The following GSE1 variants were observed in gnomAD, a reference collection of about 807,000 sequenced individuals.
GSE1 encodes the protein Gse1 coiled-coil protein.
GSE1 carries 32 observed loss-of-function variants against 112.6 expected under a neutral mutation model. The ratio of observed to expected loss-of-function variants is 0.28; its 90% CI spans 0.21 to 0.38. The LOEUF (loss-of-function observed/expected upper bound fraction) is 0.38, where lower values mean the gene tolerates loss of function less well. Ranked by LOEUF, GSE1 falls within the 10% of genes least tolerant of loss-of-function variation. The probability of loss-of-function intolerance (pLI) is 1.00; values close to 1 mark genes in which losing one functional copy is unlikely to be tolerated. For synonymous variants in GSE1, 1,115 were observed against 735.6 expected (o/e 1.52, Z -8.35); for missense variants, 2,348 against 1,699.2 (o/e 1.38, Z -6.71).
intron 2 of GSE1, among the ~76,000 whole-genome samples, chr16:85,478,913 TTCTTTCTTTCTTTCTC>T (rs753008005): frequency 0.11 from 7,725 of 68,014 alleles, 871 homozygotes; most frequent in African/African-American, 0.14. Context: ...CTTTCTTTCT[TTCTTTCTTTCTTTCTC>T]TTTCTTTCTT....
chr16:85,175,893 A>G (rs896814565), intron 1 of GSE1, among the ~76,000 whole-genome samples: 4 of 152,208 alleles, frequency 2.6e-5, no homozygotes, highest in African/African-American at 9.6e-5. Flanking sequence ...AACTTGTCCA[A>G]GGTCACTCAG....
At chr16:85,172,335 C>T (rs941265614) in intron 1 of GSE1, among the ~76,000 whole-genome samples, 1 of 152,160 alleles carries the variant, frequency 6.6e-6, no homozygotes, top group African/African-American at 2.4e-5. Flanking sequence ...TGCTTTACGG[C>T]GGAGGGAAAT....
chr16:85,613,565 G>A (rs1462205886), intron 1 of GSE1, among the ~76,000 whole-genome samples, 167 bp downstream of exon 1: 2 of 151,436 alleles, frequency 1.3e-5, no homozygotes, highest in South Asian at 4.2e-4. Flanking sequence ...GGCGACCAAA[G>A]GCCACCCCCT....
upstream of GSE1, among the ~76,000 whole-genome samples, chr16:85,554,167 G>C (rs116502688): frequency 7.8e-3 from 1,190 of 152,226 alleles, 24 homozygotes; most frequent in African/African-American, 0.028. Flanking sequence ...AGGAGAGGGT[G>C]GGGGGACGTG....
intron 1 of GSE1, among the ~76,000 whole-genome samples, chr16:85,569,365 G>A (rs546438778): frequency 5.3e-5 from 8 of 152,334 alleles, no homozygotes; most frequent in African/African-American, 1.9e-4. Context: ...CCCTGGGCCT[G>A]GGGGCCAAGT....
intron 1 of GSE1, among the ~76,000 whole-genome samples, chr16:85,217,854 G>C (rs2075329983): frequency 6.6e-6 from 1 of 152,066 alleles, no homozygotes; most frequent in Non-Finnish European, 1.5e-5. Flanking sequence ...CCTGTCCCCA[G>C]TCAGAAGTCC....
chr16:85,647,759 G>A (rs2050999599), intron 2 of GSE1, among the ~76,000 whole-genome samples: 1 of 152,148 alleles, frequency 6.6e-6, no homozygotes, highest in Non-Finnish European at 1.5e-5. Context: ...GCTAATATTT[G>A]TATTTTTAGT....
At chr16:85,667,448 A>G (rs931582716) in intron 13 of GSE1, among the ~76,000 whole-genome samples, 2 of 152,222 alleles carry the variant, frequency 1.3e-5, no homozygotes, top group Non-Finnish European at 2.9e-5. Flanking sequence ...ACGGGGCACA[A>G]TGAGGCTGAT....
At chr16:85,410,355 A>T (rs370837592) in intron 2 of GSE1, among the ~76,000 whole-genome samples, 2 of 43,408 alleles carry the variant, frequency 4.6e-5, no homozygotes, top group Admixed American at 2.5e-4. Flanking sequence ...TCACTGTTAC[A>T]CTCAGGGCCC....
chr16:85,195,427 G>A (rs961642316), intron 1 of GSE1, among the ~76,000 whole-genome samples: 15 of 152,170 alleles, frequency 9.9e-5, no homozygotes, highest in Admixed American at 9.8e-4. Context: ...AGAGTTGGAA[G>A]CAGCTTTGCA....
chr16:85,179,018 AC>A (rs1280745999), intron 1 of GSE1, among the ~76,000 whole-genome samples: 4 of 152,076 alleles, frequency 2.6e-5, no homozygotes, highest in Non-Finnish European at 5.9e-5. Context: ...CAATTCACAC[AC>A]CGTGAAAGTC....
chr16:85,515,836 C>T (rs774261305), intron 2 of GSE1, among the ~76,000 whole-genome samples: 10 of 152,198 alleles, frequency 6.6e-5, no homozygotes, highest in East Asian at 1.9e-4. Context: ...GGAAGAAAGC[C>T]GGTCCCCTCC....
chr16:85,262,909 A>G (rs547577641), intron 1 of GSE1, among the ~76,000 whole-genome samples: 1 of 152,358 alleles, frequency 6.6e-6, no homozygotes, highest in African/African-American at 2.4e-5. Context: ...ACTGTATGCC[A>G]GGCCCCGTTC....
chr16:85,664,908 G>A lies in GSE1; in HGVS notation c.2645-107G>A, dbSNP rs2052713825. The stretch of plus-strand genomic sequence containing the variant: ...CATCACACCTGCTTTTGGTTTTTCG[G>A]GCTTTAGTGCTTTGCCTGCCCCTCA... On this transcript the variant is annotated intron_variant, in intron 11 of 15. Coordinates refer to ENST00000253458, the MANE Select transcript of GSE1 (RefSeq NM_014615.5). 6.7e-6 allele frequency: 5 copies of A among 740,846 alleles called. No individual in the cohort carries two copies. The African/African-American group carries it at 6.9e-5, about 10-fold the overall frequency. The allele number at this position is 740,846 out of a possible 1,614,324, so 45.9% of individuals were successfully genotyped here.
intron 2 of GSE1, among the ~76,000 whole-genome samples, chr16:85,534,693 A>G (rs1162781086): frequency 6.6e-6 from 1 of 151,950 alleles, no homozygotes; most frequent in Non-Finnish European, 1.5e-5. Flanking sequence ...CGGGTGTGCA[A>G]TGTCTGTTGG....
intron 1 of GSE1, among the ~76,000 whole-genome samples, chr16:85,202,045 A>G (rs1165006212): frequency 6.6e-6 from 1 of 152,242 alleles, no homozygotes; most frequent in Non-Finnish European, 1.5e-5. Flanking sequence ...GGTGAGTGCA[A>G]GTCCTGGTGG....
intron 1 of GSE1, among the ~76,000 whole-genome samples, chr16:85,570,114 T>G (rs1455519694): frequency 6.6e-6 from 1 of 152,084 alleles, no homozygotes; most frequent in African/African-American, 2.4e-5. Context: ...GCTAGCTGAG[T>G]GGCCAGATGG....
At chr16:85,290,711 A>G (rs2045184150) in intron 1 of GSE1, among the ~76,000 whole-genome samples, 2 of 152,246 alleles carry the variant, frequency 1.3e-5, no homozygotes, top group South Asian at 4.2e-4. Context: ...GTTGTCACCG[A>G]GACACACAAA....
intron 1 of GSE1, among the ~76,000 whole-genome samples, chr16:85,630,481 T>C (rs1341736651): frequency 6.6e-6 from 1 of 151,978 alleles, no homozygotes; most frequent in African/African-American, 2.4e-5. Context: ...CAGGTACGCA[T>C]GTGTCGTTTC....
Sources: allele counts gnomAD v4.1 joint callset (sites outside exome capture counted in the v4.1 genomes callset), GRCh38; gene constraint gnomAD v4.1.1; transcripts MANE v1.5; gene names NCBI Gene and HGNC (gene_info 2026-07-23, HGNC 2026-07-21).